The following AGMO variants were observed in gnomAD, a reference collection of about 807,000 sequenced individuals.
The protein encoded by AGMO is glyceryl-ether monooxygenase.
Under a neutral mutation model 60.2 loss-of-function variants are expected in AGMO, and 75 were observed. The observed-to-expected ratio is 1.25, with a 90% CI of 1.03 to 1.51. AGMO has a LOEUF of 1.51. Ranked by LOEUF, AGMO falls within the 40% of genes most tolerant of loss-of-function variation. AGMO has a pLI of 0.00. For missense variants in AGMO, 763 were observed against 525.5 expected (o/e 1.45, Z -4.42); for synonymous variants, 261 against 177.1 (o/e 1.47, Z -3.76).
Position 15,544,789 on chromosome 7 carries a change from A to C in AGMO, c.392T>G (p.Phe131Cys), listed in dbSNP as rs570940008. 2.2e-5 allele frequency: 36 copies of C among 1,603,288 alleles called. No individual in the cohort carries two copies. The South Asian group carries it at 3.9e-4, about 18-fold the overall frequency. ...CAGCTTACCATGAGCCATACGATGG[A>C]ACCAGTAGTAGCCAAAGTCAACTCC... ...FLGVDFGYYW[F>C]HRMAHEVNIM... Residue 131 changes from phenylalanine to cysteine, a missense_variant, in exon 3 of 13, where the codon TTC becomes TGC. Transcript: ENST00000342526.
chr7:15,414,495 C>G (rs1226156205), intron 5 of AGMO, among the ~76,000 whole-genome samples: 1 of 151,494 alleles, frequency 6.6e-6, no homozygotes, highest in African/African-American at 2.4e-5. Flanking sequence ...CACACACACA[C>G]ACAAAGAGAG....
the AGMO span, among the ~76,000 whole-genome samples, chr7:15,190,086 T>C: frequency 0.5 from 256 of 510 alleles, 119 homozygotes; most frequent in East Asian, 1. Flanking sequence ...TATATATATA[T>C]ATATATATTT....
the AGMO span, among the ~76,000 whole-genome samples, chr7:15,189,027 G>A: frequency 6.6e-6 from 1 of 152,188 alleles, no homozygotes; most frequent in African/African-American, 2.4e-5. Context: ...GGAAGTAGAA[G>A]TGAGATGAAG....
intron 12 of AGMO, among the ~76,000 whole-genome samples, chr7:15,239,915 A>T (rs1782539465): frequency 6.6e-6 from 1 of 152,146 alleles, no homozygotes; most frequent in Non-Finnish European, 1.5e-5. Flanking sequence ...CGCTGTTTCC[A>T]CATGTGTATT....
intron 3 of AGMO, among the ~76,000 whole-genome samples, chr7:15,459,108 T>A (rs987299262): frequency 2.0e-5 from 3 of 152,068 alleles, no homozygotes; most frequent in African/African-American, 7.2e-5. Context: ...ATTTAAGAAG[T>A]GGGTTTTTTT....
chr7:15,403,332 A>C, intron 5 of AGMO, among the ~76,000 whole-genome samples: 1 of 151,956 alleles, frequency 6.6e-6, no homozygotes, highest in East Asian at 1.9e-4. Flanking sequence ...TCTTGCTCAT[A>C]AATTTCTTCA....
the AGMO span, among the ~76,000 whole-genome samples, chr7:15,146,106 T>C: frequency 6.6e-6 from 1 of 152,118 alleles, no homozygotes; most frequent in Admixed American, 6.5e-5. Context: ...AGCTAACAAA[T>C]AAAAATCTGC....
intron 10 of AGMO, among the ~76,000 whole-genome samples, chr7:15,381,146 A>T (rs1274596918): frequency 6.6e-6 from 1 of 152,196 alleles, no homozygotes; most frequent in Non-Finnish European, 1.5e-5. Context: ...AAGACGCCAA[A>T]AACAATTGCA....
At chr7:15,248,522 G>T (rs1206429191) in intron 12 of AGMO, among the ~76,000 whole-genome samples, 2 of 151,900 alleles carry the variant, frequency 1.3e-5, no homozygotes, top group African/African-American at 4.8e-5. Flanking sequence ...CATTCCTAAG[G>T]GCAAGTGGTG....
At chr7:15,498,146 T>G (rs1207246061) in intron 3 of AGMO, among the ~76,000 whole-genome samples, 4 of 152,026 alleles carry the variant, frequency 2.6e-5, no homozygotes, top group Non-Finnish European at 5.9e-5. Flanking sequence ...ATTTATGTTA[T>G]GCGGGAAAAA....
chr7:15,447,459 T>G (rs1041201049), intron 3 of AGMO, among the ~76,000 whole-genome samples: 1 of 152,222 alleles, frequency 6.6e-6, no homozygotes, highest in African/African-American at 2.4e-5. Flanking sequence ...TTGAACCCCA[T>G]AGCGGGATAA....
the AGMO span, among the ~76,000 whole-genome samples, chr7:15,161,400 C>A: frequency 6.6e-6 from 1 of 151,848 alleles, no homozygotes; most frequent in East Asian, 1.9e-4. Context: ...CCTTAAATCT[C>A]TCTATCTCTC....
chr7:15,550,376 G>C (rs1027689176), intron 2 of AGMO, among the ~76,000 whole-genome samples: 1 of 152,040 alleles, frequency 6.6e-6, no homozygotes, highest in Non-Finnish European at 1.5e-5. Context: ...ATGAATCCAG[G>C]AGCTGGTTTT....
At chr7:15,208,311 G>T (rs1051352029) in intron 12 of AGMO, among the ~76,000 whole-genome samples, 3 of 152,196 alleles carry the variant, frequency 2.0e-5, no homozygotes, top group African/African-American at 7.2e-5. Flanking sequence ...ACATTTGGAA[G>T]AACACTGACC....
chr7:15,363,632 A>C (rs951306714), intron 12 of AGMO, among the ~76,000 whole-genome samples: 9 of 149,032 alleles, frequency 6.0e-5, no homozygotes, highest in African/African-American at 2.3e-4. Flanking sequence ...GTAAACTGCC[A>C]TCATCTTATC....
chr7:15,186,597 G>T, the AGMO span, among the ~76,000 whole-genome samples: 2 of 152,266 alleles, frequency 1.3e-5, no homozygotes, highest in East Asian at 3.9e-4. Flanking sequence ...TCTTATAGTT[G>T]CAGAAGGAAA....
intron 12 of AGMO, among the ~76,000 whole-genome samples, chr7:15,310,952 A>T (rs1780752774): frequency 6.6e-6 from 1 of 151,854 alleles, no homozygotes; most frequent in African/African-American, 2.4e-5. Flanking sequence ...AGATCACCTC[A>T]CTCTGACTCT....
Position 15,517,823 on chromosome 7 carries a change from C to A in AGMO, c.409+26949G>T, listed in dbSNP as rs118005617. ...TGCCTGGAATACCAGTGAGACAGAA[C>A]TGCTCACTTCCCTGGAAAGGGAGCT... On this transcript the variant is annotated intron_variant, in intron 3 of 12. Coordinates refer to ENST00000342526, the MANE Select transcript of AGMO (RefSeq NM_001004320.2). Among the ~76,000 whole-genome samples, 868 of 152,142 alleles carry A rather than the reference C, an allele frequency of 5.7e-3. 21 individuals carry two copies. Among genetic ancestry groups the A allele is most frequent in the East Asian group, 0.038 (193 of 5,138 alleles).
At chr7:15,311,157 A>T (rs1400258006) in intron 12 of AGMO, among the ~76,000 whole-genome samples, 1 of 152,056 alleles carries the variant, frequency 6.6e-6, no homozygotes, top group East Asian at 1.9e-4. Flanking sequence ...CTGCTACTAA[A>T]AACAAAACCA....
Sources: allele counts gnomAD v4.1 joint callset (sites outside exome capture counted in the v4.1 genomes callset), GRCh38; gene constraint gnomAD v4.1.1; transcripts MANE v1.5; gene names NCBI Gene and HGNC (gene_info 2026-07-23, HGNC 2026-07-21).